Variants in MDFIC observed in about 807,000 individuals in gnomAD.
MDFIC encodes the protein myoD family inhibitor domain-containing protein.
MDFIC carries 17 observed loss-of-function variants against 23.2 expected under a neutral mutation model. The ratio of observed to expected loss-of-function variants is 0.73; its 90% CI spans 0.50 to 1.10. The LOEUF (loss-of-function observed/expected upper bound fraction) is 1.10. MDFIC is among the 50% of genes least tolerant of loss of function. MDFIC has a pLI of 0.00. For synonymous variants in MDFIC, 120 were observed against 115.2 expected (o/e 1.04, Z -0.27); for missense variants, 356 against 316.6 (o/e 1.12, Z -0.95).
At chr7:114,996,765 G>A (rs1791341856) in intron 4 of MDFIC, among the ~76,000 whole-genome samples, 1 of 152,152 alleles carries the variant, frequency 6.6e-6, no homozygotes. Context: ...TGGGTCCAAG[G>A]TATCAGCATC....
chr7:115,008,280 G>A (rs1791612145), intron 4 of MDFIC, among the ~76,000 whole-genome samples: 1 of 151,426 alleles, frequency 6.6e-6, no homozygotes, highest in Non-Finnish European at 1.5e-5. Flanking sequence ...ACTTTGTGGG[G>A]TGTGGGAGGG....
intron 3 of MDFIC, among the ~76,000 whole-genome samples, chr7:114,977,084 C>T (rs1793330674): frequency 6.6e-6 from 1 of 151,980 alleles, no homozygotes; most frequent in Admixed American, 6.6e-5. Flanking sequence ...TTTGAAATTC[C>T]AGGAAAGTAT....
intron 2 of MDFIC, among the ~76,000 whole-genome samples, chr7:114,935,008 T>G (rs1792396103): frequency 6.6e-6 from 1 of 152,150 alleles, no homozygotes. Flanking sequence ...CTTTGGTTTT[T>G]TAAAGGTTAC....
At chr7:114,951,010 T>C (rs1792758230) in intron 3 of MDFIC, among the ~76,000 whole-genome samples, 3 of 151,898 alleles carry the variant, frequency 2.0e-5, no homozygotes, top group Non-Finnish European at 2.9e-5. Flanking sequence ...CCTGACTCCA[T>C]AAAACAAAAC....
chr7:114,923,336 GT>G, intron 2 of MDFIC: 1 of 1,187,938 alleles, frequency 8.4e-7, no homozygotes. Flanking sequence ...GGAACCGTTG[GT>G]CCCTCCACTC....
At chr7:114,951,444 A>T (rs1368442560) in intron 3 of MDFIC, among the ~76,000 whole-genome samples, 1 of 152,206 alleles carries the variant, frequency 6.6e-6, no homozygotes, top group African/African-American at 2.4e-5. Context: ...ATGATAATTT[A>T]AAAAAAGACA....
intron 2 of MDFIC, among the ~76,000 whole-genome samples, chr7:114,932,948 CTATT>C (rs1367155791): frequency 6.6e-5 from 10 of 152,300 alleles, no homozygotes; most frequent in Admixed American, 5.9e-4. Flanking sequence ...TCTCTGTCCT[CTATT>C]TATTTAATTC....
intron 4 of MDFIC, among the ~76,000 whole-genome samples, chr7:114,994,773 G>A (rs1791285597): frequency 6.6e-6 from 1 of 152,028 alleles, no homozygotes; most frequent in African/African-American, 2.4e-5. Context: ...CTCTCTGGCT[G>A]CCCTTAACAT....
At chr7:114,922,685 C>A (rs1419081643) in intron 1 of MDFIC, 49 bp downstream of exon 1, 34 of 1,344,952 alleles carry the variant, frequency 2.5e-5, no homozygotes, top group Non-Finnish European at 3.2e-5. Flanking sequence ...GATCCCCATC[C>A]CCGGGGTTCT....
chr7:114,938,693 A>T (rs1489714652), intron 2 of MDFIC, among the ~76,000 whole-genome samples: 2 of 152,120 alleles, frequency 1.3e-5, no homozygotes, highest in African/African-American at 4.8e-5. Flanking sequence ...GGTTGGGGGG[A>T]ATGTATGCCT....
chr7:114,957,765 T>C (rs770216117), intron 3 of MDFIC, among the ~76,000 whole-genome samples: 2 of 152,232 alleles, frequency 1.3e-5, no homozygotes, highest in Non-Finnish European at 2.9e-5. Context: ...TAAGCCATTC[T>C]TACTGTATAA....
In MDFIC at chr7:114,923,331, C is replaced by T. The variant is rs574444099; in HGVS notation, c.94+204C>T. 289 of 1,171,778 alleles carry T rather than the reference C, an allele frequency of 2.5e-4. 1 individual carries two copies. In the African/African-American group the frequency reaches 3.9e-3, roughly 16 times the overall value. 72.6% of individuals were successfully genotyped at this position (1,171,778 alleles called of 1,614,324 possible). A position where few individuals can be genotyped will look rare whatever the true frequency, so the allele number is the denominator to read the frequency against. Reference sequence around the variant, plus strand: ...AACAACCGGGTAAGAGGGCGGGAACCGTTGGTCCCTCCACTCCCCCTTCCT... The same window carrying T: ...AACAACCGGGTAAGAGGGCGGGAACTGTTGGTCCCTCCACTCCCCCTTCCT... On this transcript the variant is annotated intron_variant, in intron 2 of 4. Transcript: ENST00000393486.
intron 4 of MDFIC, chr7:114,980,123 GCAATAT>G (rs1585111846): frequency 9.2e-6 from 3 of 325,310 alleles, no homozygotes; most frequent in Non-Finnish European, 1.8e-5. Flanking sequence ...CCTCCCTGAT[GCAATAT>G]GTTATTCTAT....
chr7:114,932,688 G>A (rs1792337245), intron 2 of MDFIC, among the ~76,000 whole-genome samples: 1 of 152,226 alleles, frequency 6.6e-6, no homozygotes, highest in Non-Finnish European at 1.5e-5. Flanking sequence ...AATATAGGTT[G>A]TGGTCTTAGA....
At chr7:114,958,127 A>G (rs1412202435) in intron 3 of MDFIC, among the ~76,000 whole-genome samples, 1 of 152,236 alleles carries the variant, frequency 6.6e-6, no homozygotes, top group Non-Finnish European at 1.5e-5. Flanking sequence ...TTATTAAGTA[A>G]AAGTGAAGAA....
chr7:114,954,215 A>C (rs1172514589), intron 3 of MDFIC, among the ~76,000 whole-genome samples: 2 of 152,214 alleles, frequency 1.3e-5, no homozygotes, highest in Non-Finnish European at 2.9e-5. Context: ...CCAGAAATTC[A>C]CATTCTCATT....
At chr7:114,986,598 C>G (rs1262638407) in intron 4 of MDFIC, among the ~76,000 whole-genome samples, 1 of 152,218 alleles carries the variant, frequency 6.6e-6, no homozygotes, top group Non-Finnish European at 1.5e-5. Context: ...CACTGTAATG[C>G]ATAGACATGT....
At chr7:114,964,345 G>A (rs1361789104) in intron 3 of MDFIC, among the ~76,000 whole-genome samples, 1 of 152,112 alleles carries the variant, frequency 6.6e-6, no homozygotes, top group Non-Finnish European at 1.5e-5. Context: ...GGAAGTACAG[G>A]GAAAGGCAAT....
At chr7:114,937,245 G>C (rs1792443223) in intron 2 of MDFIC, among the ~76,000 whole-genome samples, 2 of 152,288 alleles carry the variant, frequency 1.3e-5, no homozygotes, top group Admixed American at 6.5e-5. Context: ...TTTAGAAACA[G>C]GAAAATAAAG....
Sources: allele counts gnomAD v4.1 joint callset (sites outside exome capture counted in the v4.1 genomes callset), GRCh38; gene constraint gnomAD v4.1.1; transcripts MANE v1.5; gene names NCBI Gene and HGNC (gene_info 2026-07-23, HGNC 2026-07-21).